Variants in WDFY3 observed in about 807,000 individuals in gnomAD.
WDFY3 encodes the protein WD repeat and FYVE domain containing 3, also known as WD repeat and FYVE domain-containing protein 3.
A neutral mutation model predicts 409.6 loss-of-function variants in WDFY3; 66 were observed. The ratio of observed to expected loss-of-function variants is 0.16; its 90% CI spans 0.13 to 0.20. The LOEUF (loss-of-function observed/expected upper bound fraction) is 0.20, where lower values mean the gene tolerates loss of function less well. Ranked by LOEUF, WDFY3 falls within the 10% of genes least tolerant of loss-of-function variation. The probability of loss-of-function intolerance (pLI) is 1.00; values close to 1 mark genes in which losing one functional copy is unlikely to be tolerated. For missense variants in WDFY3, 3,031 were observed against 4,298.1 expected (o/e 0.71, Z 8.24); for synonymous variants, 1,521 against 1,537.1 (o/e 0.99, Z 0.25).
At chr4:84,846,578 T>C (rs1314349160) in intron 5 of WDFY3, among the ~76,000 whole-genome samples, 1 of 148,708 alleles carries the variant, frequency 6.7e-6, no homozygotes, top group Non-Finnish European at 1.5e-5. Flanking sequence ...CAAGTATAAA[T>C]AAGTTTTAGG....
chr4:84,826,341 T>C (rs1754861298), intron 10 of WDFY3, among the ~76,000 whole-genome samples: 1 of 152,224 alleles, frequency 6.6e-6, no homozygotes, highest in African/African-American at 2.4e-5. Flanking sequence ...GTGTAGGTTA[T>C]ATGCAAATAC....
At chr4:84,859,872 G>A (rs545537970) in intron 4 of WDFY3, among the ~76,000 whole-genome samples, 3 of 152,234 alleles carry the variant, frequency 2.0e-5, no homozygotes, top group East Asian at 1.9e-4. Context: ...ACCACGCCTG[G>A]CCTAAAAAAA....
rs887696479 is a variant in WDFY3 at position 84,671,971 on chromosome 4, C to T, written c.*897G>A. The T allele has an allele frequency of 6.6e-6, 1 of 152,180 alleles. No homozygotes were observed. The highest frequency in any genetic ancestry group is 1.5e-5 in the Non-Finnish European group (1 of 68,040). 9.4% of individuals were successfully genotyped at this position (152,180 alleles called of 1,614,324 possible). On this transcript the variant is annotated 3_prime_UTR_variant, in exon 68 of 68. Transcript: ENST00000295888. The stretch of plus-strand genomic sequence containing the variant: ...AGTTGAGACAGGGCTGTTTCCTGCA[C>T]TACACTGGTCATCTGACCACCTTTC...
chr4:84,961,541 T>C lies in WDFY3; in HGVS notation c.-226+4668A>G, dbSNP rs967097122. On this transcript the variant is annotated intron_variant, in intron 1 of 67. Transcript: ENST00000295888. ...GAATAATTCCCTAATGATTATTCCT[T>C]TACAAAAAGTAATTTTAACAACATG... Among the ~76,000 whole-genome samples the C allele has an allele frequency of 2.6e-5, 4 of 152,052 alleles. No homozygotes were observed. The East Asian group carries it at 7.7e-4, about 29-fold the overall frequency.
intron 59 of WDFY3, among the ~76,000 whole-genome samples, chr4:84,692,617 T>C (rs1044363751): frequency 1.3e-5 from 2 of 152,150 alleles, no homozygotes; most frequent in Non-Finnish European, 2.9e-5. Flanking sequence ...TTTGGTATTT[T>C]AGAGCTTTGA....
chr4:84,787,246 C>A (rs1747720116), intron 23 of WDFY3, among the ~76,000 whole-genome samples: 2 of 151,886 alleles, frequency 1.3e-5, no homozygotes, highest in Non-Finnish European at 2.9e-5. Flanking sequence ...TATCTCAGAG[C>A]CAGTAAGAGA....
intron 39 of WDFY3, 25 bp downstream of exon 39, chr4:84,740,162 G>A (rs1432152797): frequency 1.9e-6 from 3 of 1,610,032 alleles, no homozygotes; most frequent in African/African-American, 1.3e-5. Context: ...AATTTAACAT[G>A]GCAAACTGAA....
At chr4:84,886,938 A>G (rs1376152252) in intron 3 of WDFY3, among the ~76,000 whole-genome samples, 1 of 152,180 alleles carries the variant, frequency 6.6e-6, no homozygotes, top group Non-Finnish European at 1.5e-5. Context: ...TCTTATGAAT[A>G]TATGATGAAA....
chr4:84,902,878 TAA>T (rs1250366086), intron 2 of WDFY3, among the ~76,000 whole-genome samples: 4 of 152,198 alleles, frequency 2.6e-5, no homozygotes, highest in Non-Finnish European at 5.9e-5. Flanking sequence ...ATAGCATATG[TAA>T]AGTCTTTGAC....
chr4:84,877,686 A>G (rs1178184628), intron 3 of WDFY3, among the ~76,000 whole-genome samples: 1 of 152,140 alleles, frequency 6.6e-6, no homozygotes, highest in Admixed American at 6.5e-5. Flanking sequence ...CATTGCATTT[A>G]TCACATCATG....
chr4:84,722,558 T>C (rs546314084), intron 46 of WDFY3, among the ~76,000 whole-genome samples: 1 of 152,320 alleles, frequency 6.6e-6, no homozygotes, highest in African/African-American at 2.4e-5. Context: ...CAAGGACATA[T>C]AATGTAATTT....
chr4:84,726,765 G>T, intron 45 of WDFY3, 96 bp downstream of exon 45: 1 of 1,052,364 alleles, frequency 9.5e-7, no homozygotes, highest in Non-Finnish European at 1.4e-6. Flanking sequence ...AATCTTTTAA[G>T]TTAGTCTAGT....
chr4:84,937,070 C>T (rs1561115714), intron 1 of WDFY3, among the ~76,000 whole-genome samples: 1 of 152,094 alleles, frequency 6.6e-6, no homozygotes, highest in African/African-American at 2.4e-5. Context: ...ATCTTTGATT[C>T]CTTTTTTAGC....
intron 13 of WDFY3, among the ~76,000 whole-genome samples, chr4:84,815,074 G>T (rs537591832): frequency 6.6e-6 from 1 of 152,192 alleles, no homozygotes; most frequent in African/African-American, 2.4e-5. Flanking sequence ...TCCTAGTTAA[G>T]AACTCAGCAG....
chr4:84,814,688 T>C (rs149664582), intron 13 of WDFY3, among the ~76,000 whole-genome samples: 1,911 of 152,256 alleles, frequency 0.013, 27 homozygotes, highest in Non-Finnish European at 0.016. Context: ...TTTTACTTAA[T>C]AGTGGTCCCA....
intron 21 of WDFY3, 117 bp from the exon 22 acceptor site, chr4:84,790,024 G>C: frequency 9.0e-7 from 1 of 1,107,830 alleles, no homozygotes; most frequent in Non-Finnish European, 1.3e-6. Context: ...GATGCAGACT[G>C]ATTTGAGTAA....
At chr4:84,741,623 T>C in intron 38 of WDFY3, 138 bp downstream of exon 38, 1 of 1,057,500 alleles carries the variant, frequency 9.5e-7, no homozygotes, top group Non-Finnish European at 1.3e-6. Flanking sequence ...CCTGTCTCTA[T>C]TCACTTTTAA....
chr4:84,803,244 A>G lies in WDFY3; in HGVS notation c.2607+46T>C, dbSNP rs375555102. Reference sequence around the variant, plus strand: ...CATATAATCATACTCACATCCTTTCATTCATTTCATTACAGACGGGAAGGA... The same window carrying G: ...CATATAATCATACTCACATCCTTTCGTTCATTTCATTACAGACGGGAAGGA... On this transcript the variant is annotated intron_variant, in intron 16 of 67. Transcript: ENST00000295888. The G allele has an allele frequency of 3.9e-6, 6 of 1,532,560 alleles. No homozygotes were observed. In the African/African-American group the frequency reaches 6.9e-5, roughly 18 times the overall value. 94.9% of individuals were successfully genotyped at this position (1,532,560 alleles called of 1,614,324 possible). A position where few individuals can be genotyped will look rare whatever the true frequency, so the allele number is the denominator to read the frequency against.
At chr4:84,949,551 T>C (rs1289033832) in intron 1 of WDFY3, among the ~76,000 whole-genome samples, 4 of 152,198 alleles carry the variant, frequency 2.6e-5, no homozygotes, top group Non-Finnish European at 5.9e-5. Context: ...AGAGTATATA[T>C]ATCTAGTCAC....
Sources: allele counts gnomAD v4.1 joint callset (sites outside exome capture counted in the v4.1 genomes callset), GRCh38; gene constraint gnomAD v4.1.1; transcripts MANE v1.5; gene names NCBI Gene and HGNC (gene_info 2026-07-23, HGNC 2026-07-21).